Variants in KHDRBS2 observed in about 807,000 individuals in gnomAD.
KHDRBS2 encodes KH RNA binding domain containing, signal transduction associated 2, also known as KH domain-containing, RNA-binding, signal transduction-associated protein 2.
KHDRBS2 carries 26 observed loss-of-function variants against 44.3 expected under a neutral mutation model. That is an observed-to-expected ratio of 0.59 (90% CI 0.43 to 0.81). The LOEUF (loss-of-function observed/expected upper bound fraction) is 0.81, where lower values mean the gene tolerates loss of function less well. Among genes scored for constraint, KHDRBS2 ranks in the 40% least tolerant of loss-of-function variants. The probability of loss-of-function intolerance (pLI) is 0.00; values close to 1 mark genes in which losing one functional copy is unlikely to be tolerated. For synonymous variants in KHDRBS2, 194 were observed against 151.1 expected (o/e 1.28, Z -2.08); for missense variants, 476 against 433.1 (o/e 1.10, Z -0.88).
At chr6:61,615,417 T>G in the KHDRBS2 span, among the ~76,000 whole-genome samples, 1 of 152,246 alleles carries the variant, frequency 6.6e-6, no homozygotes, top group East Asian at 1.9e-4. Flanking sequence ...GCTCACTTTA[T>G]TTGAGATGTT....
At chr6:62,018,297 ATATGTGTGTGTG>A (rs1163010356) in intron 3 of KHDRBS2, among the ~76,000 whole-genome samples, 26 of 138,540 alleles carry the variant, frequency 1.9e-4, no homozygotes, top group African/African-American at 7.1e-4. Context: ...CTATATATAT[ATATGTGTGTGTG>A]TGTGTGTGTG....
chr6:62,196,778 G>A (rs1825797285), intron 1 of KHDRBS2, among the ~76,000 whole-genome samples: 1 of 152,012 alleles, frequency 6.6e-6, no homozygotes, highest in Admixed American at 6.6e-5. Flanking sequence ...CAAGGACTTG[G>A]GGGATTTCAG....
intron 2 of KHDRBS2, among the ~76,000 whole-genome samples, chr6:62,109,705 G>A (rs2127381973): frequency 6.6e-6 from 1 of 150,878 alleles, no homozygotes; most frequent in South Asian, 2.1e-4. Context: ...CTTTTTAAAA[G>A]GTTTTAGAAA....
intron 6 of KHDRBS2, among the ~76,000 whole-genome samples, chr6:61,801,676 A>C (rs1398687871): frequency 6.6e-6 from 1 of 152,104 alleles, no homozygotes. Flanking sequence ...GCAAACAAAA[A>C]CTTCCTGAGT....
chr6:61,819,286 C>T (rs1049600604), intron 6 of KHDRBS2, among the ~76,000 whole-genome samples: 1 of 151,828 alleles, frequency 6.6e-6, no homozygotes, highest in African/African-American at 2.4e-5. Flanking sequence ...ATTTTTACAC[C>T]AAATTTTAAT....
At chr6:61,919,172 A>C (rs1807570659) in intron 4 of KHDRBS2, among the ~76,000 whole-genome samples, 1 of 151,974 alleles carries the variant, frequency 6.6e-6, no homozygotes. Context: ...TGAAATTAGA[A>C]AGGAAATAAA....
chr6:61,937,327 AT>A (rs1811211281), intron 4 of KHDRBS2, among the ~76,000 whole-genome samples: 1 of 151,270 alleles, frequency 6.6e-6, no homozygotes, highest in South Asian at 2.1e-4. Context: ...TTCTTCTTTC[AT>A]TTATTCAACC....
chr6:62,133,146 G>T (rs1014578972), intron 2 of KHDRBS2, among the ~76,000 whole-genome samples: 1 of 152,122 alleles, frequency 6.6e-6, no homozygotes, highest in African/African-American at 2.4e-5. Flanking sequence ...GTGGAGAATG[G>T]AAGCATTTCT....
chr6:61,591,535 G>C, the KHDRBS2 span, among the ~76,000 whole-genome samples: 1 of 152,132 alleles, frequency 6.6e-6, no homozygotes, highest in Non-Finnish European at 1.5e-5. Flanking sequence ...TCACTGGTGA[G>C]CTGTATCTCG....
intron 6 of KHDRBS2, among the ~76,000 whole-genome samples, chr6:61,893,052 A>G (rs182069969): frequency 5.3e-4 from 81 of 152,324 alleles, no homozygotes; most frequent in African/African-American, 1.8e-3. Context: ...CAACAAATTT[A>G]CAAGAAAAAA....
chr6:61,823,095 G>T (rs1790229565), intron 6 of KHDRBS2, among the ~76,000 whole-genome samples: 1 of 151,924 alleles, frequency 6.6e-6, no homozygotes, highest in African/African-American at 2.4e-5. Flanking sequence ...GATAGGTGTT[G>T]GTTGCTGGGT....
intron 6 of KHDRBS2, among the ~76,000 whole-genome samples, chr6:61,809,408 C>G (rs1007301511): frequency 1.3e-5 from 2 of 152,082 alleles, no homozygotes; most frequent in African/African-American, 4.8e-5. Flanking sequence ...GAAACTTGGG[C>G]AACTTTTCAT....
At chr6:61,611,040 C>T in the KHDRBS2 span, among the ~76,000 whole-genome samples, 7 of 152,184 alleles carry the variant, frequency 4.6e-5, no homozygotes, top group South Asian at 4.1e-4. Flanking sequence ...ATGGAAACTG[C>T]GTTTTGCATC....
intron 1 of KHDRBS2, among the ~76,000 whole-genome samples, chr6:62,240,673 TA>T: frequency 9.7e-5 from 1 of 10,322 alleles, no homozygotes; most frequent in African/African-American, 3.1e-4. Flanking sequence ...TGTGTGTGTG[TA>T]TATATATATA....
intron 6 of KHDRBS2, among the ~76,000 whole-genome samples, chr6:61,783,438 T>G (rs747467343): frequency 2.6e-5 from 4 of 152,094 alleles, no homozygotes; most frequent in Non-Finnish European, 5.9e-5. Context: ...CTTTGAATAT[T>G]TTGTTCCTAG....
intron 6 of KHDRBS2, among the ~76,000 whole-genome samples, chr6:61,752,664 T>C (rs1211675116): frequency 3.9e-5 from 4 of 102,522 alleles, no homozygotes; most frequent in African/African-American, 1.6e-4. Context: ...CTAGTGATTG[T>C]GGTATACAAA....
the KHDRBS2 span, among the ~76,000 whole-genome samples, chr6:61,544,403 T>C: frequency 6.6e-6 from 1 of 152,144 alleles, no homozygotes; most frequent in Non-Finnish European, 1.5e-5. Context: ...GGGCTTTTTG[T>C]ATTTTAAAAT....
intron 2 of KHDRBS2, among the ~76,000 whole-genome samples, chr6:62,070,467 C>A (rs1349867813): frequency 1.3e-5 from 2 of 151,890 alleles, no homozygotes; most frequent in Non-Finnish European, 2.9e-5. Context: ...TTAGGTATAT[C>A]TCCTAATGCT....
the KHDRBS2 span, among the ~76,000 whole-genome samples, chr6:61,592,220 A>G: frequency 1.3e-5 from 2 of 149,802 alleles, no homozygotes; most frequent in African/African-American, 2.4e-5. Context: ...AAGAGGAAAG[A>G]GAAGAAAAGA....
Sources: gnomAD v4.1 joint callset for allele counts (sites outside exome capture counted in the v4.1 genomes callset) on GRCh38, gnomAD v4.1.1 for gene constraint, MANE v1.5 for transcripts, NCBI Gene and HGNC (gene_info 2026-07-23, HGNC 2026-07-21) for gene names.